Variants in VPS13B observed in about 807,000 individuals in gnomAD.
The protein encoded by VPS13B is vacuolar protein sorting 13 homolog B, also known as intermembrane lipid transfer protein VPS13B.
VPS13B carries 285 observed loss-of-function variants against 426.4 expected under a neutral mutation model. The observed-to-expected ratio is 0.67, with a 90% CI of 0.61 to 0.74. The LOEUF is 0.74. VPS13B is among the 30% of genes least tolerant of loss of function. VPS13B has a pLI of 0.00. For missense variants in VPS13B, 4,537 were observed against 4,782.6 expected (o/e 0.95, Z 1.51); for synonymous variants, 1,676 against 1,676.4 (o/e 1.00, Z 0.01).
chr8:99,627,992 T>C (rs183255061), intron 33 of VPS13B, among the ~76,000 whole-genome samples: 161 of 152,288 alleles, frequency 1.1e-3, no homozygotes, highest in Non-Finnish European at 2.1e-3. Flanking sequence ...AGAAAAGTAG[T>C]TTGAAAATCT....
At position 99,073,018 on chromosome 8, in the gene VPS13B, A is replaced by C. The variant is rs183937204; in HGVS notation, c.292-23294A>C. Among the ~76,000 whole-genome samples, 11 of 152,280 alleles carry C rather than the reference A, an allele frequency of 7.2e-5. No homozygotes were observed. The East Asian group carries it at 2.1e-3, about 29-fold the overall frequency. ...ATGATAGCTTTGTAGTATATTTCAA[A>C]GACAGTGTGATGCCTGTAGGTTTGT... On this transcript the variant is annotated intron_variant, in intron 3 of 61. Transcript: ENST00000357162.
intron 61 of VPS13B, among the ~76,000 whole-genome samples, chr8:99,872,533 A>T (rs1473121293): frequency 2.0e-5 from 3 of 152,202 alleles, no homozygotes; most frequent in African/African-American, 7.2e-5. Flanking sequence ...GACAGACCCC[A>T]GCTTCCTGTA....
chr8:99,310,007 G>A (rs909378622), intron 19 of VPS13B, among the ~76,000 whole-genome samples: 2 of 152,224 alleles, frequency 1.3e-5, no homozygotes, highest in African/African-American at 4.8e-5. Flanking sequence ...GTATAAGAAT[G>A]CTTGTGATTT....
intron 23 of VPS13B, among the ~76,000 whole-genome samples, chr8:99,465,800 AAGAC>A (rs1333160297): frequency 1.3e-5 from 2 of 152,084 alleles, no homozygotes; most frequent in Non-Finnish European, 1.5e-5. Flanking sequence ...TTTAAATCTT[AAGAC>A]AGACAAAGTA....
At chr8:99,830,122 GCACTGTGCTGGGAGATC>G (rs1343067446) in intron 51 of VPS13B, among the ~76,000 whole-genome samples, 6 of 152,236 alleles carry the variant, frequency 3.9e-5, no homozygotes, top group African/African-American at 1.4e-4. Context: ...CAGAGCTTCA[GCACTGTGCTGGGAGATC>G]CACTGCTCTC....
Position 99,817,757 on chromosome 8 carries a change from A to C in VPS13B, c.8315A>C (p.Asp2772Ala). The change falls in exon 45 of 62, where the codon GAT (aspartate) becomes GCT (alanine). Residue 2772 changes from aspartate (D) to alanine (A), a missense_variant. Coordinates refer to ENST00000357162, the MANE Select transcript of VPS13B (RefSeq NM_152564.5). ...KAKGDEDWSR[D>A]VCLESKAPEY... ...AAAGGAGATGAAGACTGGTCAAGAG[A>C]TGTGTGCCTGGAATCCAAAGCCCCT... 1 of 1,614,108 alleles carries C rather than the reference A, an allele frequency of 6.2e-7. No individual in the cohort carries two copies.
At chr8:99,485,667 T>G (rs1399612570) in intron 25 of VPS13B, among the ~76,000 whole-genome samples, 1 of 152,220 alleles carries the variant, frequency 6.6e-6, no homozygotes, top group African/African-American at 2.4e-5. Context: ...CAGATAGTTA[T>G]GTTGTTGACA....
chr8:99,800,534 A>T (rs1813069488), intron 43 of VPS13B, among the ~76,000 whole-genome samples: 1 of 152,234 alleles, frequency 6.6e-6, no homozygotes, highest in African/African-American at 2.4e-5. Flanking sequence ...ATTTTAATGC[A>T]TGAAACATCT....
At chr8:99,174,615 G>A (rs1554656170) in intron 16 of VPS13B, among the ~76,000 whole-genome samples, 1 of 151,928 alleles carries the variant, frequency 6.6e-6, no homozygotes, top group Non-Finnish European at 1.5e-5. Context: ...TTTTTAATTA[G>A]TTTTTTTCCT....
intron 17 of VPS13B, among the ~76,000 whole-genome samples, chr8:99,215,701 G>A (rs889409161): frequency 1.3e-5 from 2 of 152,128 alleles, no homozygotes; most frequent in African/African-American, 4.8e-5. Flanking sequence ...CCCATTCAGT[G>A]CCCAAGGTTT....
chr8:99,609,430 A>C (rs1285622365), intron 33 of VPS13B, among the ~76,000 whole-genome samples: 3 of 152,176 alleles, frequency 2.0e-5, no homozygotes, highest in African/African-American at 7.2e-5. Flanking sequence ...AAATTTTATC[A>C]TTGGCAACAA....
At chr8:99,442,099 G>T (rs1266864917) in intron 22 of VPS13B, among the ~76,000 whole-genome samples, 1 of 152,034 alleles carries the variant, frequency 6.6e-6, no homozygotes. Context: ...CTAATAAACT[G>T]CAAAAGAAAG....
intron 25 of VPS13B, among the ~76,000 whole-genome samples, chr8:99,490,050 T>G (rs1245700633): frequency 1.3e-5 from 2 of 152,124 alleles, no homozygotes; most frequent in Non-Finnish European, 2.9e-5. Context: ...TTGTCATAAA[T>G]AGCTCTTATT....
intron 39 of VPS13B, among the ~76,000 whole-genome samples, chr8:99,733,228 T>A (rs1431038983): frequency 1.3e-5 from 2 of 152,176 alleles, no homozygotes; most frequent in African/African-American, 4.8e-5. Flanking sequence ...AGATCATTTC[T>A]TGGGAGCTAC....
intron 3 of VPS13B, among the ~76,000 whole-genome samples, chr8:99,060,624 A>AG (rs1181886424): frequency 6.6e-6 from 1 of 151,744 alleles, no homozygotes; most frequent in Non-Finnish European, 1.5e-5. Flanking sequence ...CAAAAAAAAA[A>AG]ATTGATTTAA....
chr8:99,440,032 G>A (rs1033208560), intron 22 of VPS13B, among the ~76,000 whole-genome samples: 2 of 152,076 alleles, frequency 1.3e-5, no homozygotes, highest in Non-Finnish European at 2.9e-5. Context: ...ACTTAGATAT[G>A]TAGCCCTTGA....
In VPS13B at chr8:99,103,144, T is replaced by C. The variant is rs762830433; in HGVS notation, c.580+24T>C. On this transcript the variant is annotated intron_variant, in intron 5 of 61. Coordinates refer to ENST00000357162, the MANE Select transcript of VPS13B (RefSeq NM_152564.5). ...TGGTGAGTAAATATGGAGAATACCG[T>C]ATATTTTTCCATAATTGAAACAATT... 3 of 1,612,100 alleles carry C rather than the reference T, an allele frequency of 1.9e-6. No individual in the cohort carries two copies. In the South Asian group the frequency reaches 3.3e-5, roughly 18 times the overall value.
chr8:99,775,515 A>G (rs1165387452), intron 40 of VPS13B, among the ~76,000 whole-genome samples: 1 of 152,198 alleles, frequency 6.6e-6, no homozygotes, highest in African/African-American at 2.4e-5. Context: ...AATGCAATCT[A>G]GGCAGCATGC....
chr8:99,555,073 G>A (rs933382549), intron 30 of VPS13B, among the ~76,000 whole-genome samples: 4 of 151,974 alleles, frequency 2.6e-5, no homozygotes, highest in Non-Finnish European at 5.9e-5. Flanking sequence ...CTTTTCCCGT[G>A]TTCATAACTC....
Sources: allele counts gnomAD v4.1 joint callset (sites outside exome capture counted in the v4.1 genomes callset), GRCh38; gene constraint gnomAD v4.1.1; transcripts MANE v1.5; gene names NCBI Gene and HGNC (gene_info 2026-07-23, HGNC 2026-07-21).